RYR3: variants seen among roughly 807,000 people sequenced by gnomAD.
The protein encoded by RYR3 is ryanodine receptor 3.
Under a neutral mutation model 584.3 loss-of-function variants are expected in RYR3, and 207 were observed. The observed-to-expected ratio is 0.35, with a 90% CI of 0.32 to 0.40. The LOEUF (loss-of-function observed/expected upper bound fraction) is 0.40, where lower values mean the gene tolerates loss of function less well. Among genes scored for constraint, RYR3 ranks in the 10% least tolerant of loss-of-function variants. The pLI, the probability that RYR3 is intolerant of heterozygous loss-of-function variation, is 1.00. For synonymous variants in RYR3, 2,416 were observed against 2,248.5 expected, an observed-to-expected ratio of 1.07 and a Z score of -2.11; for missense variants, 5,616 against 6,089.2, an observed-to-expected ratio of 0.92 and a Z score of 2.59.
At chr15:33,469,697 A>C (rs967190897) in intron 1 of RYR3, among the ~76,000 whole-genome samples, 1 of 152,144 alleles carries the variant, frequency 6.6e-6, no homozygotes, top group Non-Finnish European at 1.5e-5. Context: ...GCAGGTAAAA[A>C]TAGATGGAGG....
At chr15:33,488,443 T>C (rs2050664310) in intron 2 of RYR3, among the ~76,000 whole-genome samples, 1 of 139,038 alleles carries the variant, frequency 7.2e-6, no homozygotes, top group Admixed American at 7.4e-5. Context: ...TAGATCACAG[T>C]CTTGCCTTTT....
At chr15:33,360,100 C>T (rs1260570628) in intron 1 of RYR3, among the ~76,000 whole-genome samples, 1 of 151,986 alleles carries the variant, frequency 6.6e-6, no homozygotes, top group Non-Finnish European at 1.5e-5. Flanking sequence ...TATCATATTC[C>T]AGCACTTAGT....
At chr15:33,806,371 A>C (rs1382979528) in intron 69 of RYR3, among the ~76,000 whole-genome samples, 1 of 152,204 alleles carries the variant, frequency 6.6e-6, no homozygotes, top group Non-Finnish European at 1.5e-5. Flanking sequence ...TTAAGAAAAT[A>C]AAACATGGGC....
chr15:33,489,980 A>G (rs2050831778), intron 2 of RYR3, among the ~76,000 whole-genome samples: 2 of 152,200 alleles, frequency 1.3e-5, no homozygotes, highest in African/African-American at 4.8e-5. Flanking sequence ...ACCAAACTCT[A>G]TGAACTGAAC....
chr15:33,764,762 G>A (rs929767320), intron 60 of RYR3, among the ~76,000 whole-genome samples: 16 of 152,010 alleles, frequency 1.1e-4, no homozygotes, highest in African/African-American at 2.9e-4. Flanking sequence ...GACTGGACAC[G>A]GTGGCTCATG....
chr15:33,603,488 A>C, intron 18 of RYR3, 124 bp downstream of exon 18: 1 of 1,030,988 alleles, frequency 9.7e-7, no homozygotes, highest in Non-Finnish European at 1.4e-6. Flanking sequence ...AACTAATTAA[A>C]CGGTTAGGTG....
intron 43 of RYR3, among the ~76,000 whole-genome samples, chr15:33,720,434 G>A (rs550085827): frequency 6.6e-6 from 1 of 152,202 alleles, no homozygotes; most frequent in Non-Finnish European, 1.5e-5. Context: ...ATCTGAGTTA[G>A]ACTAATAGAG....
At chr15:33,633,207 G>C (rs2061349732) in intron 24 of RYR3, 99 bp downstream of exon 24, 1 of 1,249,460 alleles carries the variant, frequency 8.0e-7, no homozygotes, top group Non-Finnish European at 1.1e-6. Context: ...GGAAGAGTTT[G>C]CCTTTGCACT....
intron 1 of RYR3, among the ~76,000 whole-genome samples, chr15:33,440,606 A>T (rs2046137786): frequency 6.6e-6 from 1 of 152,172 alleles, no homozygotes; most frequent in South Asian, 2.1e-4. Context: ...CTGATCCAAA[A>T]TGTCAGTAGC....
At chr15:33,444,489 G>A (rs536150521) in intron 1 of RYR3, among the ~76,000 whole-genome samples, 5 of 152,272 alleles carry the variant, frequency 3.3e-5, no homozygotes, top group African/African-American at 1.2e-4. Context: ...ATAACTTAGC[G>A]CTAGACATAT....
intron 1 of RYR3, among the ~76,000 whole-genome samples, chr15:33,358,854 C>CTAGG (rs1462410693): frequency 1.3e-5 from 2 of 152,124 alleles, no homozygotes; most frequent in Non-Finnish European, 2.9e-5. Context: ...AGTGGCAATC[C>CTAGG]TAGGTCACAT....
intron 27 of RYR3, among the ~76,000 whole-genome samples, chr15:33,643,557 G>A (rs949443518): frequency 2.6e-5 from 4 of 151,890 alleles, no homozygotes; most frequent in African/African-American, 7.3e-5. Context: ...AGTAGGCGAG[G>A]AGGAGAGTGG....
rs765266347 is a variant in RYR3 at position 33,818,652 on chromosome 15, C to G, written c.10674C>G (p.Leu3558=). Residue 3558 remains leucine, a synonymous_variant, in exon 76 of 104, where the codon CTC becomes CTG. Coordinates refer to ENST00000634891, the MANE Select transcript of RYR3 (RefSeq NM_001036.6). The part of the protein sequence containing the change: ...KQPDPLHQII[L]YFSRNALTER... ...CTGACCCACTACATCAGATCATTCT[C>G]TATTTTAGCCGCAACGCTCTCACGG... 1.4e-5 allele frequency: 22 copies of G among 1,613,844 alleles called. No homozygotes were observed. Among genetic ancestry groups the G allele is most frequent in the Middle Eastern group, 1.6e-4 (1 of 6,074 alleles).
At chr15:33,793,146 A>G (rs1371869825) in intron 67 of RYR3, among the ~76,000 whole-genome samples, 1 of 152,220 alleles carries the variant, frequency 6.6e-6, no homozygotes, top group Non-Finnish European at 1.5e-5. Context: ...GGCTTATTAG[A>G]AAAGAATCAA....
At chr15:33,776,946 A>T (rs935063781) in intron 64 of RYR3, among the ~76,000 whole-genome samples, 1 of 152,234 alleles carries the variant, frequency 6.6e-6, no homozygotes, top group African/African-American at 2.4e-5. Flanking sequence ...CCAAGTATGT[A>T]TTGTGTGAAA....
intron 1 of RYR3, among the ~76,000 whole-genome samples, chr15:33,447,297 C>T (rs2046750607): frequency 6.6e-6 from 1 of 152,160 alleles, no homozygotes; most frequent in South Asian, 2.1e-4. Flanking sequence ...TGACTTCATT[C>T]AGCCAGTAGC....
Position 33,865,688 on chromosome 15 carries a change from C to G in RYR3, c.*462C>G, listed in dbSNP as rs1890273264. On this transcript the variant is annotated 3_prime_UTR_variant, in exon 104 of 104. Transcript: ENST00000634891. ...AGTCTAATTTTTCCCATGGTACTTG[C>G]TAGTGACTGTATCCAGAAAAGCTTT... 6.4e-6 allele frequency: 1 copy of G among 155,760 alleles called. No individual in the cohort carries two copies. Among genetic ancestry groups the G allele is most frequent in the Non-Finnish European group, 1.4e-5 (1 of 70,026 alleles). 9.6% of individuals were successfully genotyped at this position (155,760 alleles called of 1,614,324 possible). A position where few individuals can be genotyped will look rare whatever the true frequency, so the allele number is the denominator to read the frequency against.
chr15:33,501,449 G>T (rs777482043), intron 2 of RYR3, among the ~76,000 whole-genome samples: 1 of 152,170 alleles, frequency 6.6e-6, no homozygotes, highest in African/African-American at 2.4e-5. Context: ...GTAAAAGTGG[G>T]CATTAATGTT....
intron 43 of RYR3, among the ~76,000 whole-genome samples, chr15:33,714,887 G>A (rs2067384547): frequency 6.6e-6 from 1 of 152,160 alleles, no homozygotes; most frequent in East Asian, 1.9e-4. Flanking sequence ...CAAGTAGAGT[G>A]ATCAGAAACA....
Sources: gnomAD v4.1 joint callset for allele counts (sites outside exome capture counted in the v4.1 genomes callset) on GRCh38, gnomAD v4.1.1 for gene constraint, MANE v1.5 for transcripts, NCBI Gene and HGNC (gene_info 2026-07-23, HGNC 2026-07-21) for gene names.